Variants in MYT1L observed in about 807,000 individuals in gnomAD.
MYT1L encodes myelin transcription factor 1 like.
MYT1L carries 12 observed loss-of-function variants against 126.7 expected under a neutral mutation model. The ratio of observed to expected loss-of-function variants is 0.09; its 90% CI spans 0.06 to 0.15. The LOEUF is 0.15. MYT1L is among the 10% of genes least tolerant of loss of function. MYT1L has a pLI of 1.00. For synonymous variants in MYT1L, 541 were observed against 604.2 expected (o/e 0.90, Z 1.53); for missense variants, 979 against 1,585.2 (o/e 0.62, Z 6.49).
At chr2:2,156,818 C>A (rs1005619184) in intron 3 of MYT1L, among the ~76,000 whole-genome samples, 1 of 152,170 alleles carries the variant, frequency 6.6e-6, no homozygotes, top group African/African-American at 2.4e-5. Flanking sequence ...GGGAACAGAG[C>A]AAAGCGGCTG....
intron 2 of MYT1L, among the ~76,000 whole-genome samples, chr2:2,269,978 G>T (rs1362201639): frequency 6.6e-6 from 1 of 152,210 alleles, no homozygotes; most frequent in African/African-American, 2.4e-5. Context: ...GTGGACTAAT[G>T]TTTGTGTCTC....
At chr2:1,973,941 G>A (rs939922342) in intron 8 of MYT1L, among the ~76,000 whole-genome samples, 46 of 152,324 alleles carry the variant, frequency 3.0e-4, no homozygotes, top group Non-Finnish European at 6.0e-4. Context: ...ACTGCTACGA[G>A]GGTGAGGAGA....
intron 3 of MYT1L, among the ~76,000 whole-genome samples, chr2:2,141,841 C>A (rs1429318526): frequency 6.6e-6 from 1 of 152,108 alleles, no homozygotes; most frequent in Non-Finnish European, 1.5e-5. Context: ...CAGGAGCCTC[C>A]TTTGAAGGTT....
intron 19 of MYT1L, among the ~76,000 whole-genome samples, chr2:1,851,341 G>A (rs1425241480): frequency 6.6e-6 from 1 of 151,990 alleles, no homozygotes; most frequent in Non-Finnish European, 1.5e-5. Context: ...CTGTTCTTTT[G>A]CCTTTACTCT....
chr2:1,999,031 G>C (rs953930451), intron 4 of MYT1L, among the ~76,000 whole-genome samples: 1 of 152,344 alleles, frequency 6.6e-6, no homozygotes, highest in South Asian at 2.1e-4. Context: ...CGATTAGACA[G>C]AATGGGTTAT....
At chr2:1,797,441 C>T (rs555753391) in intron 23 of MYT1L, among the ~76,000 whole-genome samples, 2 of 152,244 alleles carry the variant, frequency 1.3e-5, no homozygotes, top group East Asian at 1.9e-4. Context: ...AGGATGGTCT[C>T]GATTTCCTGA....
At chr2:2,158,907 C>G (rs1170773627) in intron 3 of MYT1L, among the ~76,000 whole-genome samples, 1 of 152,206 alleles carries the variant, frequency 6.6e-6, no homozygotes, top group East Asian at 1.9e-4. Flanking sequence ...TGCTGAAGGG[C>G]TCCAGGGCCT....
Position 1,912,218 on chromosome 2 carries a change from T to C in MYT1L, c.1619-108A>G, listed in dbSNP as rs1297535724. ...AGGCCAGGTCGCTCATGATAGACAG[T>C]CCTACAAACGTTTGTGATGGGCATG... is the stretch of plus-strand genomic sequence containing the variant. On this transcript the variant is annotated intron_variant, in intron 11 of 24. Coordinates refer to ENST00000647738, the MANE Select transcript of MYT1L (RefSeq NM_001303052.2). The surrounding 1 kb of genome is among the most constrained non-coding windows in gnomAD (Gnocchi z 4.3). 2 of 678,170 alleles carry C rather than the reference T, an allele frequency of 2.9e-6. No homozygotes were observed. Among genetic ancestry groups the C allele is most frequent in the Admixed American group, 6.3e-5 (2 of 31,888 alleles). 42.0% of individuals were successfully genotyped at this position (678,170 alleles called of 1,614,324 possible).
intron 3 of MYT1L, among the ~76,000 whole-genome samples, chr2:2,101,692 C>A (rs775723541): frequency 5.1e-4 from 78 of 152,182 alleles, no homozygotes; most frequent in Non-Finnish European, 1.1e-3. Context: ...ATCCATTCAT[C>A]CATCCATCCA....
At chr2:2,177,460 C>T (rs1408573434) in intron 2 of MYT1L, among the ~76,000 whole-genome samples, 1 of 152,184 alleles carries the variant, frequency 6.6e-6, no homozygotes, top group African/African-American at 2.4e-5. Context: ...GGGAAGCATA[C>T]ACAGTGTAAC....
At position 1,929,319 on chromosome 2, in the gene MYT1L, C is replaced by T. The variant is rs1440051169; in HGVS notation, c.506-6056G>A. On this transcript the variant is annotated intron_variant, in intron 9 of 24. Transcript: ENST00000647738. The surrounding 1 kb of genome is among the most constrained non-coding windows in gnomAD (Gnocchi z 4.7). ...CTTCCAGCACGAGATCCCCGCACCC[C>T]TCCTCTGCCTCCCTCATCCTCTACT... 6.6e-6 allele frequency among the ~76,000 whole-genome samples: 1 copy of T among 152,172 alleles called. No homozygotes were observed. Among genetic ancestry groups the T allele is most frequent in the Non-Finnish European group, 1.5e-5 (1 of 68,022 alleles).
intron 2 of MYT1L, among the ~76,000 whole-genome samples, chr2:2,184,475 T>C (rs1419471166): frequency 6.6e-6 from 1 of 152,168 alleles, no homozygotes; most frequent in African/African-American, 2.4e-5. Context: ...TTTCTATCAA[T>C]GTTAAAATGA....
intron 4 of MYT1L, among the ~76,000 whole-genome samples, chr2:2,033,312 T>TTA (rs2066602263): frequency 7.2e-6 from 1 of 139,700 alleles, no homozygotes; most frequent in Non-Finnish European, 1.5e-5. Flanking sequence ...AAGGAGGGCC[T>TTA]TACACACACC....
At chr2:1,937,475 C>G (rs1280790616) in intron 9 of MYT1L, among the ~76,000 whole-genome samples, 4 of 149,684 alleles carry the variant, frequency 2.7e-5, no homozygotes, top group Admixed American at 6.6e-5. Context: ...TCAGATCGTA[C>G]GTCGAGAAGG....
intron 21 of MYT1L, among the ~76,000 whole-genome samples, chr2:1,815,684 C>T (rs2148070630): frequency 6.6e-6 from 1 of 152,362 alleles, no homozygotes; most frequent in African/African-American, 2.4e-5. Context: ...TAACAGCCAC[C>T]CCTTCCCCAT....
chr2:2,213,250 C>T (rs2093583564), intron 2 of MYT1L, among the ~76,000 whole-genome samples: 1 of 152,166 alleles, frequency 6.6e-6, no homozygotes, highest in Non-Finnish European at 1.5e-5. Flanking sequence ...GGTTTATTGC[C>T]TTGAGTTTCT....
Position 2,057,204 on chromosome 2 carries a change from G to T in MYT1L, c.-303-3081C>A, listed in dbSNP as rs375146104. ...CATGCAGATAACTATCACCGAAGGA[G>T]CAAGAGTTCCTCTGTGTCCTTTTAT... On this transcript the variant is annotated intron_variant, in intron 3 of 24. Coordinates refer to ENST00000647738, the MANE Select transcript of MYT1L (RefSeq NM_001303052.2). Among the ~76,000 whole-genome samples, 11 of 152,274 alleles carry T rather than the reference G, an allele frequency of 7.2e-5. No individual in the cohort carries two copies. The East Asian group carries it at 1.2e-3, about 16-fold the overall frequency.
At chr2:2,115,267 G>C (rs2080047748) in intron 3 of MYT1L, among the ~76,000 whole-genome samples, 1 of 152,198 alleles carries the variant, frequency 6.6e-6, no homozygotes, top group Admixed American at 6.5e-5. Flanking sequence ...CCAGATGTAA[G>C]TGCCACAAGG....
chr2:1,820,070 G>C (rs1199564151), intron 21 of MYT1L, among the ~76,000 whole-genome samples: 1 of 152,112 alleles, frequency 6.6e-6, no homozygotes, highest in Non-Finnish European at 1.5e-5. Context: ...AGGGGCCTGG[G>C]GGAGGAATGA....
Sources: allele counts gnomAD v4.1 joint callset (sites outside exome capture counted in the v4.1 genomes callset), GRCh38; gene constraint gnomAD v4.1.1; non-coding constraint Gnocchi (gnomAD v3.1); transcripts MANE v1.5; gene names NCBI Gene and HGNC (gene_info 2026-07-23, HGNC 2026-07-21).